The following DAAM1 variants were observed in gnomAD, a reference collection of about 807,000 sequenced individuals.
DAAM1 encodes dishevelled associated activator of morphogenesis 1, also known as disheveled-associated activator of morphogenesis 1.
Under a neutral mutation model 130.0 loss-of-function variants are expected in DAAM1, and 52 were observed. That is an observed-to-expected ratio of 0.40 (90% CI 0.32 to 0.50). The LOEUF (loss-of-function observed/expected upper bound fraction) is 0.50. Ranked by LOEUF, DAAM1 falls within the 20% of genes least tolerant of loss-of-function variation. The pLI, the probability that DAAM1 is intolerant of heterozygous loss-of-function variation, is 0.61. For synonymous variants in DAAM1, 452 were observed against 444.5 expected, an observed-to-expected ratio of 1.02 and a Z score of -0.21; for missense variants, 1,134 against 1,303.8, an observed-to-expected ratio of 0.87 and a Z score of 2.01.
chr14:59,324,468 T>C lies in DAAM1; in HGVS notation c.989+14T>C. Reference sequence around the variant, plus strand: ...AACATTAGATAGGTAAGTCAGACTATTATGATGTGAGAAAGTTTCTGTGTT... The same window carrying C: ...AACATTAGATAGGTAAGTCAGACTACTATGATGTGAGAAAGTTTCTGTGTT... On this transcript the variant is annotated intron_variant, in intron 8 of 24. Coordinates refer to ENST00000360909, the MANE Select transcript of DAAM1 (RefSeq NM_001270520.2). 4 of 1,509,864 alleles carry C rather than the reference T, an allele frequency of 2.6e-6. No individual in the cohort carries two copies. Among genetic ancestry groups the C allele is most frequent in the Non-Finnish European group, 3.6e-6 (4 of 1,119,412 alleles). The allele number at this position is 1,509,864 out of a possible 1,614,324, so 93.5% of individuals were successfully genotyped here.
intron 17 of DAAM1, among the ~76,000 whole-genome samples, chr14:59,351,336 C>T (rs547235873): frequency 1.3e-5 from 2 of 152,222 alleles, no homozygotes; most frequent in Admixed American, 6.5e-5. Flanking sequence ...CCTGCAAGCA[C>T]GGCAATTTTT....
intron 15 of DAAM1, among the ~76,000 whole-genome samples, chr14:59,339,158 C>G (rs867631743): frequency 6.6e-6 from 1 of 152,176 alleles, no homozygotes; most frequent in Non-Finnish European, 1.5e-5. Context: ...TGAGGAAACT[C>G]TGTAGGTAAG....
At chr14:59,303,604 A>G (rs1006087054) in intron 3 of DAAM1, among the ~76,000 whole-genome samples, 11 of 152,188 alleles carry the variant, frequency 7.2e-5, no homozygotes, top group Non-Finnish European at 1.3e-4. Flanking sequence ...AATGATCTCA[A>G]TAAGAAATAG....
At chr14:59,269,486 A>G (rs1319250789) in intron 2 of DAAM1, among the ~76,000 whole-genome samples, 1 of 152,232 alleles carries the variant, frequency 6.6e-6, no homozygotes, top group African/African-American at 2.4e-5. Flanking sequence ...AAACATCTAC[A>G]TAACTCAGCA....
intron 2 of DAAM1, among the ~76,000 whole-genome samples, chr14:59,269,058 G>T (rs1001076409): frequency 6.6e-6 from 1 of 152,194 alleles, no homozygotes; most frequent in African/African-American, 2.4e-5. Context: ...TTATTTTGAT[G>T]TGTGCATGTT....
chr14:59,221,673 A>G (rs984112642), intron 1 of DAAM1, among the ~76,000 whole-genome samples: 8 of 152,194 alleles, frequency 5.3e-5, no homozygotes, highest in Non-Finnish European at 1.2e-4. Flanking sequence ...ACTGTGGAAT[A>G]GTAGTCCAGT....
chr14:59,267,194 A>G (rs1882481638), intron 2 of DAAM1, among the ~76,000 whole-genome samples: 1 of 152,240 alleles, frequency 6.6e-6, no homozygotes, highest in Admixed American at 6.5e-5. Context: ...GTTAGAAAGC[A>G]TCTCATCAGA....
intron 23 of DAAM1, among the ~76,000 whole-genome samples, chr14:59,367,068 C>G (rs1224850897): frequency 2.6e-5 from 4 of 151,946 alleles, no homozygotes; most frequent in African/African-American, 9.7e-5. Flanking sequence ...GTGGGCAGAT[C>G]ACCTGAGGTC....
intron 2 of DAAM1, among the ~76,000 whole-genome samples, chr14:59,281,717 G>A (rs2349142): frequency 2.0e-5 from 3 of 152,200 alleles, no homozygotes; most frequent in Admixed American, 2.0e-4. Flanking sequence ...ATTCATCTTT[G>A]TATTCTTTAT....
chr14:59,350,286 G>C (rs1003368601), intron 17 of DAAM1, among the ~76,000 whole-genome samples: 3 of 151,864 alleles, frequency 2.0e-5, no homozygotes, highest in Non-Finnish European at 4.4e-5. Flanking sequence ...TGGATTGACT[G>C]CCCCCTTCTC....
chr14:59,229,748 A>G (rs1434925226), intron 1 of DAAM1, among the ~76,000 whole-genome samples: 1 of 152,228 alleles, frequency 6.6e-6, no homozygotes, highest in Non-Finnish European at 1.5e-5. Context: ...AAGTAGAAGG[A>G]GGCTTAATCC....
chr14:59,349,166 G>A (rs537237754), intron 17 of DAAM1, among the ~76,000 whole-genome samples: 3 of 152,200 alleles, frequency 2.0e-5, no homozygotes, highest in Admixed American at 6.5e-5. Flanking sequence ...CCCTGCCTTC[G>A]AGTTGCTGCA....
intron 13 of DAAM1, 64 bp from the exon 14 acceptor site, chr14:59,331,145 C>T (rs1355625380): frequency 7.6e-6 from 12 of 1,586,316 alleles, no homozygotes; most frequent in Non-Finnish European, 1.0e-5. Flanking sequence ...GTTACAGACT[C>T]TTAAATCATT....
intron 1 of DAAM1, among the ~76,000 whole-genome samples, chr14:59,199,080 T>A (rs139261362): frequency 6.6e-6 from 1 of 152,296 alleles, no homozygotes; most frequent in African/African-American, 2.4e-5. Flanking sequence ...CCCCCAGTTT[T>A]CAGCCTTGGC....
At chr14:59,324,267 A>G in intron 7 of DAAM1, 29 bp downstream of exon 7, 1 of 1,380,230 alleles carries the variant, frequency 7.2e-7, no homozygotes, top group Non-Finnish European at 9.5e-7. Context: ...TTAAAAATAT[A>G]TTAGTAAATA....
chr14:59,200,731 C>T (rs996231547), intron 1 of DAAM1, among the ~76,000 whole-genome samples: 7 of 152,168 alleles, frequency 4.6e-5, no homozygotes, highest in African/African-American at 1.7e-4. Flanking sequence ...ATCCAAGCCT[C>T]TTCTGTTCTG....
chr14:59,257,053 C>T (rs1881926173), intron 1 of DAAM1, among the ~76,000 whole-genome samples: 1 of 152,156 alleles, frequency 6.6e-6, no homozygotes, highest in Admixed American at 6.5e-5. Context: ...TCTTGGGAAG[C>T]TGGAAAGCTG....
At chr14:59,248,303 ATGATGTTT>A (rs1322069290) in intron 1 of DAAM1, among the ~76,000 whole-genome samples, 1 of 145,632 alleles carries the variant, frequency 6.9e-6, no homozygotes, top group Non-Finnish European at 1.5e-5. Context: ...TGACTGTGGA[ATGATGTTT>A]TGTTTTGTTT....
chr14:59,351,524 G>A (rs1358686866), intron 17 of DAAM1, among the ~76,000 whole-genome samples: 6 of 152,054 alleles, frequency 3.9e-5, no homozygotes, highest in East Asian at 3.9e-4. Flanking sequence ...TGTGCTGCCC[G>A]TTCCAGACCC....
Sources: allele counts gnomAD v4.1 joint callset (sites outside exome capture counted in the v4.1 genomes callset), GRCh38; gene constraint gnomAD v4.1.1; transcripts MANE v1.5; gene names NCBI Gene and HGNC (gene_info 2026-07-23, HGNC 2026-07-21).